The following KHDRBS2 variants were observed in gnomAD, a reference collection of about 807,000 sequenced individuals.
The protein encoded by KHDRBS2 is KH domain-containing, RNA-binding, signal transduction-associated protein 2.
KHDRBS2 carries 26 observed loss-of-function variants against 44.3 expected under a neutral mutation model. That is an observed-to-expected ratio of 0.59 (90% CI 0.43 to 0.81). KHDRBS2 has a LOEUF of 0.81. Among genes scored for constraint, KHDRBS2 ranks in the 40% least tolerant of loss-of-function variants. KHDRBS2 has a pLI of 0.00. For synonymous variants in KHDRBS2, 194 were observed against 151.1 expected (o/e 1.28, Z -2.08); for missense variants, 476 against 433.1 (o/e 1.10, Z -0.88).
intron 8 of KHDRBS2, among the ~76,000 whole-genome samples, chr6:61,684,758 T>C (rs1233591209): frequency 6.6e-6 from 1 of 151,726 alleles, no homozygotes; most frequent in Non-Finnish European, 1.5e-5. Context: ...CAAATTGAAA[T>C]TATGGAATGG....
chr6:61,601,285 CCT>C, the KHDRBS2 span, among the ~76,000 whole-genome samples: 264 of 152,188 alleles, frequency 1.7e-3, 2 homozygotes, highest in African/African-American at 5.6e-3. Context: ...ATGTCTCTAC[CCT>C]CTCTTTTCTC....
chr6:62,013,453 A>T (rs1780657428), intron 3 of KHDRBS2, among the ~76,000 whole-genome samples: 5 of 151,510 alleles, frequency 3.3e-5, no homozygotes, highest in African/African-American at 1.2e-4. Flanking sequence ...TTACATCTTC[A>T]ACATTTTGGC....
At chr6:61,588,441 T>C in the KHDRBS2 span, among the ~76,000 whole-genome samples, 3 of 152,212 alleles carry the variant, frequency 2.0e-5, no homozygotes, top group African/African-American at 7.2e-5. Context: ...TGCCTGAGAA[T>C]GTGAGAGTGA....
At chr6:62,106,776 G>A (rs1803467853) in intron 2 of KHDRBS2, among the ~76,000 whole-genome samples, 1 of 152,170 alleles carries the variant, frequency 6.6e-6, no homozygotes, top group African/African-American at 2.4e-5. Context: ...TGGGATGCAA[G>A]GCTGGTTCAG....
At chr6:62,188,272 T>A (rs1383280883) in intron 1 of KHDRBS2, among the ~76,000 whole-genome samples, 1 of 152,140 alleles carries the variant, frequency 6.6e-6, no homozygotes, top group African/African-American at 2.4e-5. Flanking sequence ...TCATCTTGTA[T>A]AATAAATATT....
At chr6:61,921,275 A>G (rs1736187886) in intron 4 of KHDRBS2, among the ~76,000 whole-genome samples, 1 of 151,990 alleles carries the variant, frequency 6.6e-6, no homozygotes, top group African/African-American at 2.4e-5. Flanking sequence ...AATAAATGCT[A>G]AATTGTACCA....
intron 1 of KHDRBS2, among the ~76,000 whole-genome samples, chr6:62,240,180 T>C (rs1056591611): frequency 2.6e-5 from 4 of 152,128 alleles, no homozygotes; most frequent in Non-Finnish European, 4.4e-5. Flanking sequence ...TATAATCCAA[T>C]ATTGGTTTAT....
At chr6:61,863,903 T>C (rs1222041394) in intron 6 of KHDRBS2, among the ~76,000 whole-genome samples, 3 of 152,174 alleles carry the variant, frequency 2.0e-5, no homozygotes, top group Non-Finnish European at 2.9e-5. Context: ...CCAACTATTA[T>C]TGTGTGGTAG....
At chr6:62,160,600 G>A (rs1337681605) in intron 2 of KHDRBS2, among the ~76,000 whole-genome samples, 2 of 152,102 alleles carry the variant, frequency 1.3e-5, no homozygotes, top group African/African-American at 4.8e-5. Flanking sequence ...TGGCCTATAT[G>A]TTTAAAGATG....
rs1438996827 is a variant in KHDRBS2 at position 61,778,236 on chromosome 6, C to T, written c.811-45472G>A. Among the ~76,000 whole-genome samples the T allele has an allele frequency of 7.2e-5, 11 of 152,140 alleles. No individual in the cohort carries two copies. The East Asian group carries it at 9.6e-4, about 13-fold the overall frequency. On this transcript the variant is annotated intron_variant, in intron 6 of 8. Coordinates refer to ENST00000281156, the MANE Select transcript of KHDRBS2 (RefSeq NM_152688.4). ...CCAAGAGTCATGAGGATTCGTTTAA[C>T]TCCGTGGATGAACAGAGCCTCTGTC...
At chr6:61,567,930 G>C in the KHDRBS2 span, among the ~76,000 whole-genome samples, 1 of 151,930 alleles carries the variant, frequency 6.6e-6, no homozygotes, top group South Asian at 2.1e-4. Context: ...TATCTATTCA[G>C]AATTTTTTTC....
intron 4 of KHDRBS2, among the ~76,000 whole-genome samples, chr6:61,925,982 TTAA>T (rs1200004288): frequency 1.3e-5 from 2 of 152,164 alleles, no homozygotes; most frequent in Non-Finnish European, 2.9e-5. Flanking sequence ...TATTGACATT[TTAA>T]TAATGAGGAA....
the KHDRBS2 span, among the ~76,000 whole-genome samples, chr6:61,558,503 A>T: frequency 6.6e-6 from 1 of 152,200 alleles, no homozygotes; most frequent in Non-Finnish European, 1.5e-5. Context: ...TTGAGGCTGC[A>T]GTGAGCCACG....
chr6:61,584,733 C>T, the KHDRBS2 span, among the ~76,000 whole-genome samples: 1 of 151,732 alleles, frequency 6.6e-6, no homozygotes, highest in Non-Finnish European at 1.5e-5. Context: ...TACATAATAC[C>T]TCCTCTAGGC....
intron 4 of KHDRBS2, among the ~76,000 whole-genome samples, chr6:61,904,001 C>T (rs1368961125): frequency 6.6e-6 from 1 of 152,176 alleles, no homozygotes; most frequent in Non-Finnish European, 1.5e-5. Context: ...TAAATCGCTG[C>T]TTTATGCTAG....
intron 2 of KHDRBS2, among the ~76,000 whole-genome samples, chr6:62,104,056 A>G (rs1285207853): frequency 6.6e-6 from 1 of 152,230 alleles, no homozygotes; most frequent in Non-Finnish European, 1.5e-5. Flanking sequence ...TGATAACCTT[A>G]TAGAAAAATA....
At chr6:62,122,901 CG>C (rs908354436) in intron 2 of KHDRBS2, among the ~76,000 whole-genome samples, 4 of 150,530 alleles carry the variant, frequency 2.7e-5, no homozygotes, top group South Asian at 4.2e-4. Context: ...TACTTTTTGA[CG>C]TTTTTTAATA....
In KHDRBS2 at chr6:61,732,706, T is replaced by C; in HGVS notation, c.869A>G (p.Asn290Ser). 1 of 1,611,236 alleles carries C rather than the reference T, an allele frequency of 6.2e-7. No homozygotes were observed. Among genetic ancestry groups the C allele is most frequent in the Non-Finnish European group, 8.5e-7 (1 of 1,177,476 alleles). Residue 290 changes from asparagine to serine, a missense_variant, in exon 7 of 9, where the codon AAC becomes AGC. Asn to Ser is a conservative substitution (Grantham distance 46). Coordinates refer to ENST00000281156, the MANE Select transcript of KHDRBS2 (RefSeq NM_152688.4). ...YDDQTYETYD[N>S]SYATQTQSVP... is the part of the protein sequence containing the mutation. ...CCTTTGTGTTTGGGTCGCATAGCTG[T>C]TATCATAAGTCTCATAGGTCTGGTC...
intron 7 of KHDRBS2, among the ~76,000 whole-genome samples, chr6:61,726,334 C>G (rs1170641564): frequency 6.6e-6 from 1 of 152,146 alleles, no homozygotes; most frequent in African/African-American, 2.4e-5. Context: ...TGGGCAAATG[C>G]TGGAAGCATT....
Sources: gnomAD v4.1 joint callset for allele counts (sites outside exome capture counted in the v4.1 genomes callset) on GRCh38, gnomAD v4.1.1 for gene constraint, MANE v1.5 for transcripts, NCBI Gene and HGNC (gene_info 2026-07-23, HGNC 2026-07-21) for gene names.